The following RNF150 variants were observed in gnomAD, a reference collection of about 807,000 sequenced individuals.
The protein encoded by RNF150 is ring finger protein 150.
RNF150 carries 24 observed loss-of-function variants against 39.3 expected under a neutral mutation model. That is an observed-to-expected ratio of 0.61 (90% CI 0.44 to 0.86). The LOEUF is 0.86. RNF150 is among the 40% of genes least tolerant of loss of function. RNF150 has a pLI of 0.00. For missense variants in RNF150, 502 were observed against 587.8 expected (o/e 0.85, Z 1.51); for synonymous variants, 255 against 227.3 (o/e 1.12, Z -1.10).
At chr4:140,904,563 C>T (rs1203896004) in intron 6 of RNF150, among the ~76,000 whole-genome samples, 2 of 152,312 alleles carry the variant, frequency 1.3e-5, no homozygotes, top group Admixed American at 1.3e-4. Flanking sequence ...ACTCCCTCAT[C>T]AATACTGGAA....
In RNF150 at chr4:141,133,220, G is replaced by C; in HGVS notation, c.-412C>G. Reference sequence around the variant, plus strand: ...CCGGCGGGGACGGGCACGATTGCTCGTAGTCTGGGGTGCTGCGGTGCGGGG... The same window carrying C: ...CCGGCGGGGACGGGCACGATTGCTCCTAGTCTGGGGTGCTGCGGTGCGGGG... On this transcript the variant is annotated 5_prime_UTR_variant, in exon 1 of 7. Coordinates refer to ENST00000515673, the MANE Select transcript of RNF150 (RefSeq NM_020724.2). 4.5e-6 allele frequency: 1 copy of C among 223,206 alleles called. No homozygotes were observed. Among genetic ancestry groups the C allele is most frequent in the Non-Finnish European group, 8.7e-6 (1 of 114,720 alleles). 13.8% of individuals were successfully genotyped at this position (223,206 alleles called of 1,614,324 possible).
At chr4:141,098,004 C>A (rs565985391) in intron 1 of RNF150, among the ~76,000 whole-genome samples, 10 of 152,088 alleles carry the variant, frequency 6.6e-5, no homozygotes, top group Non-Finnish European at 1.5e-4. Flanking sequence ...ATGAAAATCC[C>A]TTGTAGATGG....
chr4:141,072,369 C>T (rs1655935005), intron 1 of RNF150, among the ~76,000 whole-genome samples: 1 of 152,068 alleles, frequency 6.6e-6, no homozygotes, highest in South Asian at 2.1e-4. Context: ...TATAGGTGGC[C>T]ATAGGATAGT....
intron 1 of RNF150, among the ~76,000 whole-genome samples, chr4:141,028,019 ATAGCAGATGATGG>A: frequency 7.2e-6 from 1 of 139,574 alleles, no homozygotes; most frequent in Non-Finnish European, 1.5e-5. Context: ...AAGCTAGGAT[ATAGCAGATGATGG>A]ACTTCAGGGC....
At chr4:141,197,846 C>A (rs1295372302) in intron 1 of RNF150, among the ~76,000 whole-genome samples, 1 of 151,572 alleles carries the variant, frequency 6.6e-6, no homozygotes, top group Admixed American at 6.6e-5. Flanking sequence ...CCACTGCACT[C>A]CAGCCTGGTT....
At chr4:140,934,010 A>C (rs1560975119) in intron 4 of RNF150, among the ~76,000 whole-genome samples, 2 of 152,122 alleles carry the variant, frequency 1.3e-5, no homozygotes, top group South Asian at 4.1e-4. Context: ...TTATTTTTAA[A>C]ATTTGTTTAT....
intron 1 of RNF150, among the ~76,000 whole-genome samples, chr4:141,179,465 T>C (rs1727867935): frequency 6.6e-6 from 1 of 152,200 alleles, no homozygotes; most frequent in Non-Finnish European, 1.5e-5. Flanking sequence ...CAAAACTTAT[T>C]TTCTCACAAA....
intron 6 of RNF150, among the ~76,000 whole-genome samples, chr4:140,895,270 G>T (rs986067346): frequency 3.3e-5 from 5 of 152,062 alleles, no homozygotes; most frequent in Admixed American, 3.3e-4. Flanking sequence ...CTATTTTATG[G>T]TTATATTTTT....
chr4:140,892,394 G>C (rs1032546937), intron 6 of RNF150, among the ~76,000 whole-genome samples: 1 of 152,224 alleles, frequency 6.6e-6, no homozygotes, highest in Non-Finnish European at 1.5e-5. Context: ...TCCGCTTGTA[G>C]TGATGCAACA....
chr4:141,091,079 T>C (rs1393676106), intron 1 of RNF150, among the ~76,000 whole-genome samples: 3 of 152,138 alleles, frequency 2.0e-5, no homozygotes, highest in Non-Finnish European at 2.9e-5. Context: ...TAGAGGCAAA[T>C]AGTAAAGGCG....
intron 2 of RNF150, among the ~76,000 whole-genome samples, chr4:140,964,773 A>G (rs1466678474): frequency 6.6e-6 from 1 of 152,038 alleles, no homozygotes; most frequent in Non-Finnish European, 1.5e-5. Flanking sequence ...GTAAAAATAG[A>G]GCAATAAAGA....
At chr4:141,089,277 A>G (rs1280928271) in intron 1 of RNF150, among the ~76,000 whole-genome samples, 2 of 152,158 alleles carry the variant, frequency 1.3e-5, no homozygotes, top group Admixed American at 6.5e-5. Flanking sequence ...GATAATAGGT[A>G]GGATTCCTAC....
chr4:140,872,635 G>C (rs865931222), intron 6 of RNF150, among the ~76,000 whole-genome samples: 1 of 152,196 alleles, frequency 6.6e-6, no homozygotes, highest in Admixed American at 6.5e-5. Context: ...ATGATTTTTG[G>C]ATGAAGGATC....
intron 1 of RNF150, among the ~76,000 whole-genome samples, chr4:141,094,255 T>C (rs1427237412): frequency 6.6e-6 from 1 of 152,210 alleles, no homozygotes; most frequent in East Asian, 1.9e-4. Context: ...CACCCATAAA[T>C]TCAAAGTGAA....
chr4:141,138,040 TTC>T (rs1205386851), upstream of RNF150, among the ~76,000 whole-genome samples: 1 of 152,204 alleles, frequency 6.6e-6, no homozygotes, highest in Admixed American at 6.5e-5. Context: ...CAGTGCCCAT[TTC>T]TCTGAGTGTC....
chr4:141,169,695 C>A (rs1727666217), intron 1 of RNF150, among the ~76,000 whole-genome samples: 1 of 152,022 alleles, frequency 6.6e-6, no homozygotes, highest in Non-Finnish European at 1.5e-5. Flanking sequence ...ATTTAACTTT[C>A]TAATTGTTTA....
chr4:141,208,611 A>G (rs1005018552), intron 1 of RNF150, among the ~76,000 whole-genome samples: 1 of 152,194 alleles, frequency 6.6e-6, no homozygotes, highest in African/African-American at 2.4e-5. Flanking sequence ...AGGAATGGAA[A>G]GTCTATTGAG....
intron 1 of RNF150, among the ~76,000 whole-genome samples, chr4:141,144,932 A>G (rs960727508): frequency 1.3e-5 from 2 of 152,230 alleles, no homozygotes; most frequent in Non-Finnish European, 2.9e-5. Context: ...AATAATTTAA[A>G]TTTGATAATA....
chr4:140,919,828 C>T (rs1351323574), intron 5 of RNF150, among the ~76,000 whole-genome samples: 1 of 151,792 alleles, frequency 6.6e-6, no homozygotes, highest in Non-Finnish European at 1.5e-5. Flanking sequence ...GGTACTGGTA[C>T]CAAAACAGAG....
Sources: gnomAD v4.1 joint callset for allele counts (sites outside exome capture counted in the v4.1 genomes callset) on GRCh38, gnomAD v4.1.1 for gene constraint, MANE v1.5 for transcripts, NCBI Gene and HGNC (gene_info 2026-07-23, HGNC 2026-07-21) for gene names.